PGBD5: variants seen among roughly 807,000 people sequenced by gnomAD.
PGBD5 encodes the protein piggyBac transposable element derived 5, also known as piggyBac transposable element-derived protein 5.
A neutral mutation model predicts 47.9 loss-of-function variants in PGBD5; 14 were observed. The ratio of observed to expected loss-of-function variants is 0.29; its 90% CI spans 0.19 to 0.46. The LOEUF is 0.46. Ranked by LOEUF, PGBD5 falls within the 20% of genes least tolerant of loss-of-function variation. The probability of loss-of-function intolerance (pLI) is 1.00; values close to 1 mark genes in which losing one functional copy is unlikely to be tolerated. For synonymous variants in PGBD5, 316 were observed against 306.3 expected, an observed-to-expected ratio of 1.03 and a Z score of -0.33; for missense variants, 635 against 716.0, an observed-to-expected ratio of 0.89 and a Z score of 1.29.
intron 1 of PGBD5, among the ~76,000 whole-genome samples, chr1:230,373,850 C>T (rs1667970714): frequency 6.6e-6 from 1 of 152,078 alleles, no homozygotes; most frequent in Non-Finnish European, 1.5e-5. Flanking sequence ...CACACCACCA[C>T]ACCCGGCTAA....
intron 1 of PGBD5, among the ~76,000 whole-genome samples, chr1:230,391,989 G>T (rs546031285): frequency 3.3e-5 from 5 of 152,332 alleles, no homozygotes; most frequent in Admixed American, 2.6e-4. Flanking sequence ...TTTTAATGAT[G>T]CGGTTAGAAA....
intron 1 of PGBD5, among the ~76,000 whole-genome samples, chr1:230,406,602 A>G (rs1388502029): frequency 6.6e-6 from 1 of 152,198 alleles, no homozygotes; most frequent in Non-Finnish European, 1.5e-5. Flanking sequence ...CAGAGTTTAG[A>G]TTATATCATA....
Position 230,323,262 on chromosome 1 carries a change from G to T in PGBD5, c.*163C>A. Reference sequence around the variant, plus strand: ...TGGAATGCAAATGAGGACAGCAACCGTCCTCTGACCAGGTCCATCCTGTCC... The same window carrying T: ...TGGAATGCAAATGAGGACAGCAACCTTCCTCTGACCAGGTCCATCCTGTCC... On this transcript the variant is annotated 3_prime_UTR_variant, in exon 7 of 7. Coordinates refer to ENST00000391860, the MANE Select transcript of PGBD5 (RefSeq NM_001258311.2). This position sits in a 1 kb window ranked among gnomAD's most constrained non-coding sequence, Gnocchi z 4.1. The T allele has an allele frequency of 1.4e-6, 1 of 723,966 alleles. No homozygotes were observed. The highest frequency in any genetic ancestry group is 2.2e-6 in the Non-Finnish European group (1 of 453,064). The allele number at this position is 723,966 out of a possible 1,614,324, so 44.8% of individuals were successfully genotyped here.
rs1656684425 is a variant in PGBD5 at position 230,387,850 on chromosome 1, C to A, written c.332-30529G>T. ...AAAAGGTAAGGAGGTATCGGCCAAG[C>A]AGATCACATGGTAAAGAACATTTTC... On this transcript the variant is annotated intron_variant, in intron 1 of 6. Transcript: ENST00000391860. Among the ~76,000 whole-genome samples, 3 of 152,106 alleles carry A rather than the reference C, an allele frequency of 2.0e-5. No homozygotes were observed. In the South Asian group the frequency reaches 6.2e-4, roughly 32 times the overall value.
intron 1 of PGBD5, among the ~76,000 whole-genome samples, chr1:230,371,701 T>C (rs914524476): frequency 1.3e-5 from 2 of 152,154 alleles, no homozygotes; most frequent in African/African-American, 4.8e-5. Flanking sequence ...TGACCTTAAT[T>C]TGGAGCTGCC....
At chr1:230,370,584 T>A (rs549636312) in intron 1 of PGBD5, among the ~76,000 whole-genome samples, 2 of 152,284 alleles carry the variant, frequency 1.3e-5, no homozygotes, top group African/African-American at 4.8e-5. Flanking sequence ...TAACACCCAT[T>A]TATCCAAAGA....
chr1:230,405,037 A>G (rs1219167297), intron 1 of PGBD5, among the ~76,000 whole-genome samples: 1 of 150,342 alleles, frequency 6.7e-6, no homozygotes, highest in Non-Finnish European at 1.5e-5. Flanking sequence ...CACTAAAAAT[A>G]CAAAAAAATT....
intron 1 of PGBD5, among the ~76,000 whole-genome samples, chr1:230,418,761 T>A (rs1657580415): frequency 6.6e-6 from 1 of 152,198 alleles, no homozygotes; most frequent in African/African-American, 2.4e-5. Context: ...GTGGCTGAGA[T>A]TACAGGCTAG....
rs776274272 is a variant in PGBD5 at position 230,357,108 on chromosome 1, C to T, written c.545G>A (p.Cys182Tyr). 2 of 1,614,168 alleles carry T rather than the reference C, an allele frequency of 1.2e-6. No homozygotes were observed. The highest frequency in any genetic ancestry group is 4.5e-5 in the East Asian group (2 of 44,882). The change falls in exon 2 of 7, where the codon TGC becomes TAC. Residue 182 changes from cysteine (C) to tyrosine (Y), a missense_variant. By Grantham distance (194) the Cys-to-Tyr change is radical. Coordinates refer to ENST00000391860, the MANE Select transcript of PGBD5 (RefSeq NM_001258311.2). The surrounding 1 kb of genome is among the most constrained non-coding windows in gnomAD (Gnocchi z 5.7). ...GCTCCAGATGCTGAGGACGGACTCG[C>T]AGTGGGAGATGCTGGTGGAGATCAT... ...GYMISTSISHCESVLSIWSGG... is the reference protein window; with the variant it reads ...GYMISTSISHYESVLSIWSGG...
At chr1:230,335,746 G>GATGCACATATGGAC (rs1667305415) in intron 4 of PGBD5, among the ~76,000 whole-genome samples, 7 of 1,514 alleles carry the variant, frequency 4.6e-3, no homozygotes, top group South Asian at 0.1. Context: ...CTTACACAAA[G>GATGCACATATGGAC]ACACACACAG....
At chr1:230,395,004 TCCCCATCC>T in intron 1 of PGBD5, among the ~76,000 whole-genome samples, 2 of 110,670 alleles carry the variant, frequency 1.8e-5, no homozygotes, top group Non-Finnish European at 3.7e-5. Flanking sequence ...CTCCCACTCC[TCCCCATCC>T]CCGAGCTCTT....
At chr1:230,383,416 G>C (rs1302518432) in intron 1 of PGBD5, among the ~76,000 whole-genome samples, 1 of 152,034 alleles carries the variant, frequency 6.6e-6, no homozygotes, top group Non-Finnish European at 1.5e-5. Context: ...CCAGGCTGGA[G>C]TGCAGTGGTG....
At chr1:230,350,093 C>A (rs112224215) in intron 3 of PGBD5, among the ~76,000 whole-genome samples, 4 of 152,342 alleles carry the variant, frequency 2.6e-5, no homozygotes, top group African/African-American at 9.6e-5. Flanking sequence ...AGTGCAAAAA[C>A]CCTGTGCCTT....
chr1:230,368,381 T>C (rs1667876205), intron 1 of PGBD5, among the ~76,000 whole-genome samples: 1 of 152,250 alleles, frequency 6.6e-6, no homozygotes, highest in Non-Finnish European at 1.5e-5. Flanking sequence ...ATGAAATTTT[T>C]AGAGGAAGTC....
chr1:230,387,005 C>G (rs1656658732), intron 1 of PGBD5, among the ~76,000 whole-genome samples: 1 of 152,172 alleles, frequency 6.6e-6, no homozygotes. Context: ...TGTGTCCCTG[C>G]TACTTTAGGG....
In PGBD5 at chr1:230,316,113, TATATC is replaced by T. The variant is rs200752905; in HGVS notation, c.*7307_*7311del. ...ACATACATATGTTTATGTGTACACA[TATATC>T]TATGTGTATACATACATATGTATAT... On this transcript the variant is annotated 3_prime_UTR_variant, in exon 7 of 7. Transcript: ENST00000391860. 7.7e-5 allele frequency: 11 copies of T among 143,616 alleles called. No individual in the cohort carries two copies. Among genetic ancestry groups the T allele is most frequent in the South Asian group, 2.3e-4 (1 of 4,398 alleles). The allele number at this position is 143,616 out of a possible 1,614,324, so 8.9% of individuals were successfully genotyped here.
chr1:230,369,062 G>T (rs962493189), intron 1 of PGBD5, among the ~76,000 whole-genome samples: 2 of 152,236 alleles, frequency 1.3e-5, no homozygotes, highest in Non-Finnish European at 2.9e-5. Context: ...CCTCTGGAAG[G>T]CCTTGGCCAC....
chr1:230,371,770 A>G (rs907267268), intron 1 of PGBD5, among the ~76,000 whole-genome samples: 19 of 152,238 alleles, frequency 1.2e-4, no homozygotes, highest in Admixed American at 3.3e-4. Flanking sequence ...ACATGTGAGG[A>G]AACAGGCACA....
Position 230,333,050 on chromosome 1 carries a change from A to T in PGBD5, c.1076-9T>A. The T allele has an allele frequency of 6.3e-7, 1 of 1,581,670 alleles. No homozygotes were observed. The highest frequency in any genetic ancestry group is 8.6e-7 in the Non-Finnish European group (1 of 1,164,066). ...GCCGCAGCAGTAAATCCCTGAGGGG[A>T]GAGGGAGGAAGGATCGCACACTCAC... On this transcript the variant is annotated splice_polypyrimidine_tract_variant and intron_variant, in intron 4 of 6. Coordinates refer to ENST00000391860, the MANE Select transcript of PGBD5 (RefSeq NM_001258311.2).
Sources: allele counts gnomAD v4.1 joint callset (sites outside exome capture counted in the v4.1 genomes callset), GRCh38; gene constraint gnomAD v4.1.1; non-coding constraint Gnocchi (gnomAD v3.1); transcripts MANE v1.5; gene names NCBI Gene and HGNC (gene_info 2026-07-23, HGNC 2026-07-21).